The following NDC80 variants were observed in gnomAD, a reference collection of about 807,000 sequenced individuals.
The protein encoded by NDC80 is NDC80 kinetochore complex component.
In NDC80, 69 loss-of-function variants were observed where a neutral mutation model predicts 89.3. The ratio of observed to expected loss-of-function variants is 0.77; its 90% CI spans 0.64 to 0.94. NDC80 has a LOEUF of 0.94. Among genes scored for constraint, NDC80 ranks in the 40% least tolerant of loss-of-function variants. The pLI is 0.00. For synonymous variants in NDC80, 243 were observed against 255.6 expected (o/e 0.95, Z 0.47); for missense variants, 593 against 739.6 (o/e 0.80, Z 2.30).
chr18:2,593,867 A>G (rs555196965), intron 10 of NDC80: 2 of 294,826 alleles, frequency 6.8e-6, no homozygotes, highest in East Asian at 1.3e-4. Flanking sequence ...CCACCTTTTT[A>G]TGACTGCTTG....
intron 13 of NDC80, 151 bp from the exon 14 acceptor site, chr18:2,606,264 A>G (rs998585648): frequency 1.4e-5 from 6 of 423,808 alleles, no homozygotes; most frequent in South Asian, 6.7e-5. Flanking sequence ...AGAATAATAA[A>G]GTTTTTGGAC....
chr18:2,598,508 A>G (rs2072668782), intron 11 of NDC80, among the ~76,000 whole-genome samples: 1 of 152,230 alleles, frequency 6.6e-6, no homozygotes, highest in Admixed American at 6.5e-5. Flanking sequence ...ACCTTATTTG[A>G]ACAGAGCCCT....
chr18:2,608,112 T>C (rs956118079), intron 14 of NDC80, among the ~76,000 whole-genome samples: 1 of 148,382 alleles, frequency 6.7e-6, no homozygotes, highest in Non-Finnish European at 1.5e-5. Flanking sequence ...TTCCCTTTGA[T>C]AAATTTCTGA....
At position 2,614,439 on chromosome 18, in the gene NDC80, AAAAGAAAGAAAG is replaced by A. The variant is rs758768165; in HGVS notation, c.1792-1965_1792-1954del. 76 of 24,682 alleles carry A rather than the reference AAAAGAAAGAAAG, an allele frequency of 3.1e-3. 9 individuals are homozygous for A. Among genetic ancestry groups the A allele is most frequent in the African/African-American group, 0.017 (54 of 3,148 alleles). 1.5% of individuals were successfully genotyped at this position (24,682 alleles called of 1,614,324 possible). A position where few individuals can be genotyped will look rare whatever the true frequency, so the allele number is the denominator to read the frequency against. ...CTACAGAGCAAGATGCTGTCTCAAAAAAAGAAAGAAAGAAAGAAAGAAAGAAAGAAAGAAAGA... is the reference window on the plus strand; with the variant it reads ...CTACAGAGCAAGATGCTGTCTCAAAAAAAGAAAGAAAGAAAGAAAGAAAGA... On this transcript the variant is annotated intron_variant, in intron 16 of 16. Transcript: ENST00000261597.
chr18:2,612,449 C>A (rs142387148), intron 16 of NDC80, among the ~76,000 whole-genome samples: 1 of 151,768 alleles, frequency 6.6e-6, no homozygotes, highest in African/African-American at 2.4e-5. Flanking sequence ...CCACCATGCC[C>A]GGCCAGTATT....
chr18:2,605,627 T>C (rs1175897097), intron 13 of NDC80, among the ~76,000 whole-genome samples: 1 of 152,194 alleles, frequency 6.6e-6, no homozygotes, highest in East Asian at 1.9e-4. Flanking sequence ...GTTGTATATG[T>C]CACTACCCTG....
At chr18:2,606,644 C>A in intron 14 of NDC80, 137 bp downstream of exon 14, 1 of 466,642 alleles carries the variant, frequency 2.1e-6, no homozygotes, top group Non-Finnish European at 3.7e-6. Flanking sequence ...TTAGTTTTCT[C>A]TGCCAAAGTT....
At chr18:2,583,655 G>A (rs890070528) in intron 6 of NDC80, among the ~76,000 whole-genome samples, 7 of 148,406 alleles carry the variant, frequency 4.7e-5, no homozygotes, top group African/African-American at 1.7e-4. Flanking sequence ...CGAGATCTCA[G>A]CCACTGCACT....
intron 10 of NDC80, among the ~76,000 whole-genome samples, chr18:2,591,670 A>G (rs1394961006): frequency 6.6e-6 from 1 of 151,800 alleles, no homozygotes; most frequent in South Asian, 2.1e-4. Flanking sequence ...CCCCTAATCA[A>G]TGTCCTTTGT....
chr18:2,596,549 G>T (rs944978231), intron 11 of NDC80, among the ~76,000 whole-genome samples: 3 of 149,040 alleles, frequency 2.0e-5, no homozygotes, highest in African/African-American at 7.4e-5. Flanking sequence ...AGGATGTGGA[G>T]AAATAGGAAC....
chr18:2,602,412 A>C (rs1483452129), intron 13 of NDC80, among the ~76,000 whole-genome samples: 1 of 152,154 alleles, frequency 6.6e-6, no homozygotes, highest in Non-Finnish European at 1.5e-5. Context: ...ACATCATACT[A>C]TTATTGCTGT....
At chr18:2,598,178 T>C (rs1281886275) in intron 11 of NDC80, among the ~76,000 whole-genome samples, 2 of 152,214 alleles carry the variant, frequency 1.3e-5, no homozygotes, top group African/African-American at 4.8e-5. Flanking sequence ...GCTCTTACCA[T>C]TGCATTCCTT....
At chr18:2,578,863 A>T in intron 5 of NDC80, 64 bp from the exon 6 acceptor site, 2 of 973,196 alleles carry the variant, frequency 2.1e-6, no homozygotes, top group South Asian at 3.0e-5. Flanking sequence ...CTTCTTGATT[A>T]ACCATTATCT....
chr18:2,586,553 A>T (rs1320562090), intron 7 of NDC80, among the ~76,000 whole-genome samples: 24 of 152,138 alleles, frequency 1.6e-4, no homozygotes, highest in Admixed American at 1.6e-3. Flanking sequence ...AACATGGCGA[A>T]ACCCCATCTC....
At chr18:2,583,530 G>A (rs1033904929) in intron 6 of NDC80, among the ~76,000 whole-genome samples, 7 of 151,836 alleles carry the variant, frequency 4.6e-5, no homozygotes, top group African/African-American at 1.7e-4. Flanking sequence ...GTGAAACCCC[G>A]TCTCTACTAA....
chr18:2,576,378 C>T (rs72857085), intron 3 of NDC80, among the ~76,000 whole-genome samples: 9,625 of 152,230 alleles, frequency 0.063, 332 homozygotes, highest in African/African-American at 0.082. Flanking sequence ...CATTGTTTTA[C>T]GTTTTTGCAA....
chr18:2,594,271 T>C (rs180781555), intron 10 of NDC80: 3 of 152,842 alleles, frequency 2.0e-5, no homozygotes, highest in Admixed American at 2.0e-4. Context: ...AAGTAACAAG[T>C]GTACTGGCTT....
intron 5 of NDC80, 122 bp downstream of exon 5, chr18:2,578,263 A>G (rs1272245131): frequency 1.7e-5 from 15 of 904,602 alleles, no homozygotes; most frequent in Non-Finnish European, 2.2e-5. Flanking sequence ...ACTGTGGGCA[A>G]TATATGTAGG....
chr18:2,589,184 C>G lies in NDC80; in HGVS notation c.764-20C>G, dbSNP rs776109585. ...TAGGCGGATTTGAGGTCTTAAAAAGCTTTTGGATTTTGTCTCCAGAGGATT... is the reference window on the plus strand; with the variant it reads ...TAGGCGGATTTGAGGTCTTAAAAAGGTTTTGGATTTTGTCTCCAGAGGATT... On this transcript the variant is annotated intron_variant, in intron 8 of 16. Coordinates refer to ENST00000261597, the MANE Select transcript of NDC80 (RefSeq NM_006101.3). The G allele has an allele frequency of 2.6e-6, 4 of 1,543,882 alleles. No homozygotes were observed. The highest frequency in any genetic ancestry group is 3.6e-6 in the Non-Finnish European group (4 of 1,117,812).
Sources: allele counts gnomAD v4.1 joint callset (sites outside exome capture counted in the v4.1 genomes callset), GRCh38; gene constraint gnomAD v4.1.1; transcripts MANE v1.5; gene names NCBI Gene and HGNC (gene_info 2026-07-23, HGNC 2026-07-21).